Variants in AP3S1 observed in about 807,000 individuals in gnomAD.
The protein encoded by AP3S1 is adaptor related protein complex 3 subunit sigma 1.
Under a neutral mutation model 21.3 loss-of-function variants are expected in AP3S1, and 12 were observed. That is an observed-to-expected ratio of 0.56 (90% CI 0.36 to 0.91). The LOEUF is 0.91. Among genes scored for constraint, AP3S1 ranks in the 40% least tolerant of loss-of-function variants. The pLI is 0.01. For missense variants in AP3S1, 116 were observed against 225.0 expected, an observed-to-expected ratio of 0.52 and a Z score of 3.10; for synonymous variants, 48 against 78.4, an observed-to-expected ratio of 0.61 and a Z score of 2.05.
intron 5 of AP3S1, among the ~76,000 whole-genome samples, chr5:115,904,978 C>A (rs1207846423): frequency 6.6e-6 from 1 of 152,052 alleles, no homozygotes; most frequent in East Asian, 1.9e-4. Context: ...GTAGTTAACT[C>A]CTTTTCATTG....
At chr5:115,850,927 A>G (rs1472771461) in intron 1 of AP3S1, among the ~76,000 whole-genome samples, 1 of 152,120 alleles carries the variant, frequency 6.6e-6, no homozygotes, top group Non-Finnish European at 1.5e-5. Context: ...GGCTGATACT[A>G]AGTTGTCTGT....
At chr5:115,907,959 A>C (rs1332282470) in intron 5 of AP3S1, among the ~76,000 whole-genome samples, 5 of 152,164 alleles carry the variant, frequency 3.3e-5, no homozygotes, top group Non-Finnish European at 7.4e-5. Flanking sequence ...AAATGTATAA[A>C]CTTACGAAGT....
chr5:115,862,030 G>T (rs149043074), intron 1 of AP3S1, among the ~76,000 whole-genome samples: 1 of 151,690 alleles, frequency 6.6e-6, no homozygotes, highest in Non-Finnish European at 1.5e-5. Flanking sequence ...GGCGTGGTTC[G>T]GTTCTTTAAC....
At chr5:115,849,354 A>G (rs1233455041) in intron 1 of AP3S1, among the ~76,000 whole-genome samples, 3 of 152,216 alleles carry the variant, frequency 2.0e-5, no homozygotes, top group Admixed American at 1.3e-4. Flanking sequence ...GAATGAGATA[A>G]GAGAGGAAGA....
chr5:115,897,124 A>G (rs1223476226), intron 4 of AP3S1, among the ~76,000 whole-genome samples: 1 of 152,236 alleles, frequency 6.6e-6, no homozygotes, highest in Non-Finnish European at 1.5e-5. Flanking sequence ...TCCCTATCCC[A>G]GAGATTGCCT....
chr5:115,885,477 A>C (rs925661834), intron 3 of AP3S1, among the ~76,000 whole-genome samples: 1 of 152,204 alleles, frequency 6.6e-6, no homozygotes, highest in Non-Finnish European at 1.5e-5. Context: ...AGGAGGAACC[A>C]AAGGAAGCAA....
At chr5:115,886,778 G>A (rs1272513061) in intron 3 of AP3S1, among the ~76,000 whole-genome samples, 1 of 152,122 alleles carries the variant, frequency 6.6e-6, no homozygotes, top group Non-Finnish European at 1.5e-5. Flanking sequence ...AAATCACAGA[G>A]AAGGAATCAT....
At chr5:115,889,964 C>T (rs747385566) in intron 3 of AP3S1, among the ~76,000 whole-genome samples, 4 of 152,102 alleles carry the variant, frequency 2.6e-5, no homozygotes, top group Non-Finnish European at 5.9e-5. Flanking sequence ...ACCACACACC[C>T]TTGAGTATGG....
At chr5:115,883,250 A>G (rs1029075780) in intron 3 of AP3S1, among the ~76,000 whole-genome samples, 3 of 152,140 alleles carry the variant, frequency 2.0e-5, no homozygotes, top group African/African-American at 7.2e-5. Flanking sequence ...CCTCTAGGGT[A>G]TGAGAAAAAA....
chr5:115,874,372 T>A (rs868311642), intron 3 of AP3S1, among the ~76,000 whole-genome samples: 6 of 152,082 alleles, frequency 3.9e-5, no homozygotes, highest in African/African-American at 1.4e-4. Context: ...TAAATATTAA[T>A]GTTGGGTTGA....
intron 3 of AP3S1, among the ~76,000 whole-genome samples, chr5:115,881,130 G>T (rs1406425112): frequency 6.6e-6 from 1 of 152,014 alleles, no homozygotes; most frequent in Admixed American, 6.6e-5. Flanking sequence ...ACAGCACACT[G>T]ATGGGTCTTG....
intron 1 of AP3S1, among the ~76,000 whole-genome samples, chr5:115,858,943 T>G (rs1429203037): frequency 6.6e-6 from 1 of 151,710 alleles, no homozygotes; most frequent in Non-Finnish European, 1.5e-5. Context: ...TATTTATTTT[T>G]TATTTTTTAT....
intron 3 of AP3S1, among the ~76,000 whole-genome samples, chr5:115,876,112 A>G (rs1376993439): frequency 6.6e-6 from 1 of 152,212 alleles, no homozygotes; most frequent in Non-Finnish European, 1.5e-5. Flanking sequence ...GCTCTGTCAC[A>G]TAACAGTTAT....
At chr5:115,884,203 AT>A (rs565233573) in intron 3 of AP3S1, among the ~76,000 whole-genome samples, 9 of 152,130 alleles carry the variant, frequency 5.9e-5, no homozygotes, top group Non-Finnish European at 1.2e-4. Flanking sequence ...TTATGCTCAT[AT>A]TTTGGCATAC....
At chr5:115,907,543 A>G (rs941822245) in intron 5 of AP3S1, among the ~76,000 whole-genome samples, 1 of 152,204 alleles carries the variant, frequency 6.6e-6, no homozygotes, top group Non-Finnish European at 1.5e-5. Context: ...TCAAACTAGA[A>G]TGCTCGAAAA....
At chr5:115,851,480 C>T (rs763044666) in intron 1 of AP3S1, among the ~76,000 whole-genome samples, 8 of 151,986 alleles carry the variant, frequency 5.3e-5, no homozygotes, top group African/African-American at 9.7e-5. Context: ...TCTACATCCA[C>T]GTTATTTTTT....
intron 1 of AP3S1, among the ~76,000 whole-genome samples, chr5:115,865,852 G>A (rs1388424414): frequency 6.6e-6 from 1 of 152,182 alleles, no homozygotes; most frequent in Non-Finnish European, 1.5e-5. Flanking sequence ...AGGCTGGAGT[G>A]CAGTGGCGCG....
intron 3 of AP3S1, among the ~76,000 whole-genome samples, chr5:115,875,445 C>A (rs1748627765): frequency 1.3e-5 from 2 of 152,178 alleles, no homozygotes; most frequent in South Asian, 4.1e-4. Flanking sequence ...CCTGAAAGCA[C>A]ACTTGGTGGT....
At chr5:115,856,936 C>T (rs868383016) in intron 1 of AP3S1, among the ~76,000 whole-genome samples, 41 of 152,212 alleles carry the variant, frequency 2.7e-4, no homozygotes, top group African/African-American at 9.4e-4. Flanking sequence ...ACTTTGTGCC[C>T]TTTGATCAAC....
Sources: gnomAD v4.1 joint callset for allele counts (sites outside exome capture counted in the v4.1 genomes callset) on GRCh38, gnomAD v4.1.1 for gene constraint, MANE v1.5 for transcripts, NCBI Gene and HGNC (gene_info 2026-07-23, HGNC 2026-07-21) for gene names.